Variants in DAPK1 observed in about 807,000 individuals in gnomAD.
DAPK1 encodes the protein death-associated protein kinase 1.
A neutral mutation model predicts 144.9 loss-of-function variants in DAPK1; 56 were observed. The ratio of observed to expected loss-of-function variants is 0.39; its 90% confidence interval spans 0.31 to 0.48. DAPK1 has a LOEUF of 0.48. DAPK1 is among the 20% of genes least tolerant of loss of function. The pLI, the probability that DAPK1 is intolerant of heterozygous loss-of-function variation, is 0.95. For synonymous variants in DAPK1, 690 were observed against 749.0 expected, an observed-to-expected ratio of 0.92 and a Z score of 1.29; for missense variants, 1,454 against 1,875.4, an observed-to-expected ratio of 0.78 and a Z score of 4.15.
chr9:87,533,401 T>G (rs1051651781), intron 2 of DAPK1, among the ~76,000 whole-genome samples: 2 of 151,974 alleles, frequency 1.3e-5, no homozygotes, highest in African/African-American at 4.8e-5. Context: ...GGAGAAGGAG[T>G]GTTCATGTGT....
chr9:87,582,206 G>C (rs951347886), intron 2 of DAPK1, among the ~76,000 whole-genome samples: 2 of 152,192 alleles, frequency 1.3e-5, no homozygotes, highest in Non-Finnish European at 2.9e-5. Flanking sequence ...TGAAAGAGTT[G>C]CTAGAATTTT....
At chr9:87,609,163 G>C (rs530672393) in intron 3 of DAPK1, among the ~76,000 whole-genome samples, 13 of 152,284 alleles carry the variant, frequency 8.5e-5, no homozygotes, top group African/African-American at 3.1e-4. Context: ...CTTGCCTTTG[G>C]ACTTAAACTG....
intron 2 of DAPK1, among the ~76,000 whole-genome samples, chr9:87,585,416 A>ATT (rs1827913759): frequency 1.3e-5 from 2 of 152,230 alleles, no homozygotes; most frequent in Non-Finnish European, 2.9e-5. Flanking sequence ...TAGGTTGTCT[A>ATT]TTTGGCTTCT....
intron 24 of DAPK1, 29 bp downstream of exon 24, chr9:87,700,266 C>G: frequency 6.3e-7 from 1 of 1,592,574 alleles, no homozygotes; most frequent in Non-Finnish European, 8.6e-7. Flanking sequence ...GAGCCTGGAC[C>G]CCTTTGTACT....
At chr9:87,521,621 G>C (rs564909119) in intron 2 of DAPK1, among the ~76,000 whole-genome samples, 1 of 152,226 alleles carries the variant, frequency 6.6e-6, no homozygotes, top group African/African-American at 2.4e-5. Flanking sequence ...GTGGTACAAA[G>C]AAGAGGAGAA....
chr9:87,631,266 G>T (rs1034927291), intron 3 of DAPK1, among the ~76,000 whole-genome samples: 8 of 152,088 alleles, frequency 5.3e-5, no homozygotes, highest in Admixed American at 5.2e-4. Flanking sequence ...GTTATATTTT[G>T]GGCAATTCCT....
At chr9:87,523,108 T>G (rs1389864293) in intron 2 of DAPK1, among the ~76,000 whole-genome samples, 2 of 152,226 alleles carry the variant, frequency 1.3e-5, no homozygotes, top group Non-Finnish European at 2.9e-5. Flanking sequence ...AACTTGTCAT[T>G]TTAACTATTT....
chr9:87,518,385 C>T (rs1394888075), intron 2 of DAPK1, among the ~76,000 whole-genome samples: 2 of 151,768 alleles, frequency 1.3e-5, no homozygotes, highest in African/African-American at 4.8e-5. Flanking sequence ...ACCTCAGCCT[C>T]CCAAAGTGCT....
Position 87,697,059 on chromosome 9 carries a change from C to T in DAPK1, c.2466C>T (p.Cys822=). 6.3e-7 allele frequency: 1 copy of T among 1,593,662 alleles called. No homozygotes were observed. Among genetic ancestry groups the T allele is most frequent in the Non-Finnish European group, 8.6e-7 (1 of 1,161,252 alleles). The change falls in exon 22 of 26, where the codon TGC becomes TGT. Residue 822 remains cysteine, a synonymous_variant. Transcript: ENST00000408954. The part of the protein sequence containing the change: ...WEFSGNPVYF[C]CYDYFAANDP... Reference sequence around the variant, plus strand: ...TCTCTGGAAATCCTGTGTATTTCTGCTGTTATGACTATTTTGCTGCAAATG... The same window carrying T: ...TCTCTGGAAATCCTGTGTATTTCTGTTGTTATGACTATTTTGCTGCAAATG...
chr9:87,520,471 C>T (rs1311515902), intron 2 of DAPK1, among the ~76,000 whole-genome samples: 1 of 152,130 alleles, frequency 6.6e-6, no homozygotes, highest in Non-Finnish European at 1.5e-5. Flanking sequence ...CTGGGTTGCA[C>T]TTCTTCCTGT....
intron 17 of DAPK1, among the ~76,000 whole-genome samples, chr9:87,652,139 G>A (rs190777311): frequency 2.8e-5 from 4 of 144,856 alleles, no homozygotes; most frequent in East Asian, 2.1e-4. Flanking sequence ...CCATTCCCCC[G>A]ATCCTGGGTC....
rs781182772 is a variant in DAPK1 at position 87,686,696 on chromosome 9, C to G, written c.2370C>G (p.Asp790Glu). 1.1e-5 allele frequency: 18 copies of G among 1,613,186 alleles called. No homozygotes were observed. Among genetic ancestry groups the G allele is most frequent in the Admixed American group, 3.3e-5 (2 of 59,998 alleles). Residue 790 changes from aspartate to glutamate, a missense_variant, in exon 21 of 26, where the codon GAC (aspartate) becomes GAG (glutamate). By Grantham distance (45) the Asp-to-Glu change is conservative. Around this residue, in one of 2 missense-constraint regions of DAPK1, gnomAD observed 1,025 missense variants for 1,237.9 expected, o/e 0.83. Transcript: ENST00000408954. This position sits in a 1 kb window ranked among gnomAD's most constrained non-coding sequence, Gnocchi z 4.2. ...PTHHPHCSAD[D>E]QSTKAIDIQN... ...ACCACCCGCACTGCTCGGCCGATGA[C>G]CAGTCCACCAAGGCCATCGACATCC...
intron 2 of DAPK1, chr9:87,507,044 A>G (rs143313126): frequency 2.7e-4 from 41 of 152,338 alleles, no homozygotes; most frequent in African/African-American, 9.6e-4. Context: ...CCAAAACAAA[A>G]CAAAACAATC....
chr9:87,646,601 T>C (rs1830274614), intron 13 of DAPK1, 42 bp downstream of exon 13: 1 of 1,509,916 alleles, frequency 6.6e-7, no homozygotes, highest in African/African-American at 1.4e-5. Context: ...TTTAAAGTAT[T>C]TTCAAGTGTC....
chr9:87,668,279 G>C (rs1409391659), intron 18 of DAPK1, among the ~76,000 whole-genome samples: 1 of 152,184 alleles, frequency 6.6e-6, no homozygotes, highest in Non-Finnish European at 1.5e-5. Context: ...GGAGAGAGGG[G>C]TTCAGGACAG....
In DAPK1 at chr9:87,652,210, C is replaced by T. The variant is rs1413603689; in HGVS notation, c.1824+486C>T. Among the ~76,000 whole-genome samples, 33 of 120,174 alleles carry T rather than the reference C, an allele frequency of 2.7e-4. No individual in the cohort carries two copies. The East Asian group carries it at 8.7e-3, about 32-fold the overall frequency. 78.8% of individuals were successfully genotyped at this position (120,174 alleles called of 152,430 possible). A position where few individuals can be genotyped will look rare whatever the true frequency, so the allele number is the denominator to read the frequency against. On this transcript the variant is annotated intron_variant, in intron 17 of 25. Transcript: ENST00000408954. ...GATTCTGTGTCCATCCCCCCGATCC[C>T]GGGTCCTGATTCTGTGTCCTCCCAC... is the stretch of plus-strand genomic sequence containing the variant.
At chr9:87,584,664 T>TTTTGTGTGTGTG (rs146308495) in intron 2 of DAPK1, among the ~76,000 whole-genome samples, 5 of 140,506 alleles carry the variant, frequency 3.6e-5, no homozygotes, top group African/African-American at 9.9e-5. Flanking sequence ...TGATAGCTCA[T>TTTTGTGTGTGTG]TGTGTGTGTG....
At chr9:87,683,370 C>T (rs1587842252) in intron 20 of DAPK1, among the ~76,000 whole-genome samples, 2 of 152,138 alleles carry the variant, frequency 1.3e-5, no homozygotes, top group African/African-American at 4.8e-5. Context: ...CGTGAGCCAC[C>T]GCACCTGGCC....
Position 87,686,623 on chromosome 9 carries a change from A to G in DAPK1, c.2297A>G (p.Glu766Gly). 1 of 1,610,618 alleles carries G rather than the reference A, an allele frequency of 6.2e-7. No homozygotes were observed. The highest frequency in any genetic ancestry group is 2.2e-5 in the East Asian group (1 of 44,798). ...GTGAGGAGCCGCAGCATGATGTTCG[A>G]GCCGGGTCTTACCAAAGGGATGCTG... The part of the protein sequence containing the change: ...VSVRSRSMMF[E>G]PGLTKGMLEV... The change falls in exon 21 of 26, where the codon GAG becomes GGG. Residue 766 changes from glutamate to glycine, a missense_variant. This residue lies in a region of DAPK1 where 1,025 missense variants were observed against 1,237.9 expected (regional missense o/e 0.83). Coordinates refer to ENST00000408954, the MANE Select transcript of DAPK1 (RefSeq NM_004938.4). The surrounding 1 kb of genome is among the most constrained non-coding windows in gnomAD (Gnocchi z 4.2).
Sources: gnomAD v4.1 joint callset for allele counts (sites outside exome capture counted in the v4.1 genomes callset) on GRCh38, gnomAD v4.1.1 for gene constraint, gnomAD v4.1.1 regional missense constraint, Gnocchi (gnomAD v3.1) non-coding constraint, MANE v1.5 for transcripts, NCBI Gene and HGNC (gene_info 2026-07-23, HGNC 2026-07-21) for gene names.